Variants in ANK2 observed in about 807,000 individuals in gnomAD.
ANK2 encodes ankyrin-2.
In ANK2, 83 loss-of-function variants were observed where a neutral mutation model predicts 360.5. The observed-to-expected ratio is 0.23, with a 90% CI of 0.19 to 0.28. The LOEUF is 0.28. ANK2 is among the 10% of genes least tolerant of loss of function. The pLI, the probability that ANK2 is intolerant of heterozygous loss-of-function variation, is 1.00. For missense variants in ANK2, 4,201 were observed against 4,795.7 expected, an observed-to-expected ratio of 0.88 and a Z score of 3.66; for synonymous variants, 1,740 against 1,759.5, an observed-to-expected ratio of 0.99 and a Z score of 0.28.
At chr4:112,713,609 A>G in the ANK2 span, among the ~76,000 whole-genome samples, 2 of 152,094 alleles carry the variant, frequency 1.3e-5, no homozygotes, top group Non-Finnish European at 2.9e-5. Context: ...TGTGTGAAGC[A>G]TGTTTTTATT....
At chr4:112,826,499 C>T in intron 1 of ANK2, 1 of 1,178,554 alleles carries the variant, frequency 8.5e-7, no homozygotes. Flanking sequence ...CTACTGGGAC[C>T]ACATCTGACA....
At chr4:112,719,399 C>T in the ANK2 span, among the ~76,000 whole-genome samples, 4 of 152,010 alleles carry the variant, frequency 2.6e-5, no homozygotes, top group African/African-American at 9.7e-5. Flanking sequence ...GTGGAAAAAC[C>T]AACTAAGCAG....
intron 1 of ANK2, among the ~76,000 whole-genome samples, chr4:113,126,246 A>G (rs190428492): frequency 1.5e-4 from 23 of 152,338 alleles, no homozygotes; most frequent in Admixed American, 1.3e-4. Flanking sequence ...GATGGCAGTA[A>G]TGATAGCTGC....
chr4:113,291,424 T>C (rs1204559063), intron 20 of ANK2, among the ~76,000 whole-genome samples: 1 of 149,096 alleles, frequency 6.7e-6, no homozygotes, highest in Non-Finnish European at 1.5e-5. Context: ...GATGTAAGAC[T>C]TCCAACATGA....
chr4:113,275,212 AC>A (rs1210648846), intron 15 of ANK2, among the ~76,000 whole-genome samples: 2 of 152,224 alleles, frequency 1.3e-5, no homozygotes, highest in Non-Finnish European at 2.9e-5. Context: ...CTGGAAAATC[AC>A]ACTTCTTTAG....
At chr4:113,247,196 G>C (rs966615403) in intron 9 of ANK2, among the ~76,000 whole-genome samples, 1 of 151,306 alleles carries the variant, frequency 6.6e-6, no homozygotes, top group African/African-American at 2.4e-5. Context: ...AAAACACAAG[G>C]GGTCTCTGGA....
At chr4:113,278,035 G>C in intron 16 of ANK2, 100 bp downstream of exon 16, 1 of 1,158,772 alleles carries the variant, frequency 8.6e-7, no homozygotes, top group East Asian at 2.6e-5. Context: ...GAATGTGAGA[G>C]CAACTGATGA....
At chr4:112,914,152 T>C (rs915563554) in intron 2 of ANK2, among the ~76,000 whole-genome samples, 7 of 152,176 alleles carry the variant, frequency 4.6e-5, no homozygotes, top group Non-Finnish European at 1.0e-4. Context: ...CCTGTCTGAC[T>C]CCAAAACTCA....
At chr4:112,707,620 A>G in the ANK2 span, among the ~76,000 whole-genome samples, 1 of 152,212 alleles carries the variant, frequency 6.6e-6, no homozygotes, top group South Asian at 2.1e-4. Flanking sequence ...TATAAATCAT[A>G]TTTTAAGCAA....
At chr4:112,799,505 ATTTATT>A in the ANK2 span, among the ~76,000 whole-genome samples, 899 of 151,420 alleles carry the variant, frequency 5.9e-3, 4 homozygotes, top group African/African-American at 0.02. Flanking sequence ...ATTTTTATTT[ATTTATT>A]TTTATTTTTA....
At chr4:112,829,693 C>T (rs536108953) in intron 1 of ANK2, among the ~76,000 whole-genome samples, 22 of 151,848 alleles carry the variant, frequency 1.4e-4, no homozygotes, top group African/African-American at 3.9e-4. Flanking sequence ...TGGTGACTCA[C>T]ACCTGTAATC....
At chr4:113,374,845 G>A in intron 45 of ANK2, 1 of 1,274,424 alleles carries the variant, frequency 7.8e-7, no homozygotes, top group Non-Finnish European at 1.0e-6. Context: ...AGTCAGCAAA[G>A]TTGTTAAAAC....
At chr4:113,178,339 G>A (rs879280672) in intron 2 of ANK2, among the ~76,000 whole-genome samples, 5 of 152,156 alleles carry the variant, frequency 3.3e-5, no homozygotes, top group Non-Finnish European at 7.3e-5. Context: ...AGGCCAGGAG[G>A]TGGGTGGATT....
intron 2 of ANK2, among the ~76,000 whole-genome samples, chr4:112,981,697 A>G (rs535585909): frequency 6.6e-6 from 1 of 152,328 alleles, no homozygotes; most frequent in South Asian, 2.1e-4. Context: ...TGATATACCT[A>G]AGGAAGAAGC....
At chr4:112,948,978 T>G (rs998626777) in intron 2 of ANK2, among the ~76,000 whole-genome samples, 2 of 152,194 alleles carry the variant, frequency 1.3e-5, no homozygotes, top group African/African-American at 4.8e-5. Context: ...CTGATGCCAC[T>G]GGAGTTCTTT....
intron 2 of ANK2, chr4:113,034,407 G>A (rs1254429962): frequency 6.6e-6 from 1 of 151,936 alleles, no homozygotes; most frequent in Admixed American, 6.6e-5. Flanking sequence ...CAGAATACTG[G>A]AAAGAAAATA....
chr4:112,869,394 C>A (rs756708854), intron 1 of ANK2, among the ~76,000 whole-genome samples: 1 of 152,182 alleles, frequency 6.6e-6, no homozygotes, highest in Non-Finnish European at 1.5e-5. Flanking sequence ...CCTCCCACCT[C>A]AGCCCCGCAA....
intron 2 of ANK2, among the ~76,000 whole-genome samples, chr4:113,014,847 G>GTTTTT (rs2055999232): frequency 8.9e-6 from 1 of 112,736 alleles, no homozygotes; most frequent in African/African-American, 3.2e-5. Context: ...GGATCATAGA[G>GTTTTT]CTTTTTTTTT....
At chr4:112,900,535 G>A (rs529037152) in intron 1 of ANK2, among the ~76,000 whole-genome samples, 3 of 152,134 alleles carry the variant, frequency 2.0e-5, no homozygotes, top group East Asian at 3.9e-4. Context: ...TTCAAAAGCC[G>A]GGGAAAGGGA....
Sources: gnomAD v4.1 joint callset for allele counts (sites outside exome capture counted in the v4.1 genomes callset) on GRCh38, gnomAD v4.1.1 for gene constraint, MANE v1.5 for transcripts, NCBI Gene and HGNC (gene_info 2026-07-23, HGNC 2026-07-21) for gene names.